YBEY: variants seen among roughly 807,000 people sequenced by gnomAD.
The protein encoded by YBEY is ybeY metalloendoribonuclease, also known as endoribonuclease YbeY.
A neutral mutation model predicts 13.5 loss-of-function variants in YBEY; 15 were observed. That is an observed-to-expected ratio of 1.11 (90% CI 0.75 to 1.72). The LOEUF is 1.72. Ranked by LOEUF, YBEY falls within the 40% of genes most tolerant of loss-of-function variation. The pLI is 0.00. For synonymous variants in YBEY, 101 were observed against 83.1 expected (o/e 1.21, Z -1.17); for missense variants, 244 against 208.4 (o/e 1.17, Z -1.05).
intron 2 of YBEY, among the ~76,000 whole-genome samples, chr21:46,289,665 G>A (rs1468456822): frequency 6.6e-6 from 1 of 151,596 alleles, no homozygotes. Flanking sequence ...TGTTGGCCAA[G>A]CTGGTCTAGA....
intron 3 of YBEY, among the ~76,000 whole-genome samples, chr21:46,295,487 TTCC>T (rs143683373): frequency 2.1e-4 from 32 of 151,734 alleles, no homozygotes; most frequent in African/African-American, 5.1e-4. Flanking sequence ...CTCCCTCCTC[TTCC>T]TCCTCCTCCT....
chr21:46,312,010 TCCATCCAC>T, the YBEY span, among the ~76,000 whole-genome samples: 1 of 44,372 alleles, frequency 2.3e-5, no homozygotes, highest in East Asian at 7.7e-4. Flanking sequence ...CACCCACCCA[TCCATCCAC>T]CCATCCACCC....
At chr21:46,295,429 G>A (rs1569103281) in intron 3 of YBEY, among the ~76,000 whole-genome samples, 1 of 151,938 alleles carries the variant, frequency 6.6e-6, no homozygotes, top group Non-Finnish European at 1.5e-5. Context: ...TGGCCCATGT[G>A]GCTCCATAAA....
At position 46,287,040 on chromosome 21, in the gene YBEY, GACA is replaced by G. The variant is rs770449674; in HGVS notation, c.132_134del (p.Asn44del). ...ATTTGACCTGGGGATCATCTGTGTT[GACA>G]ACAAGAATATTCAGCACATTAATAG... On this transcript the variant is annotated inframe_deletion, in exon 2 of 5. Transcript: ENST00000397701. The G allele has an allele frequency of 1.2e-6, 2 of 1,613,624 alleles. No individual in the cohort carries two copies. The highest frequency in any genetic ancestry group is 1.7e-6 in the Non-Finnish European group (2 of 1,179,996).
chr21:46,287,263 TC>T, intron 2 of YBEY, 140 bp downstream of exon 2: 1 of 801,256 alleles, frequency 1.2e-6, no homozygotes, highest in Non-Finnish European at 1.9e-6. Context: ...TGGTGCGATC[TC>T]GGCTCACTGC....
the YBEY span, among the ~76,000 whole-genome samples, chr21:46,304,241 A>G: frequency 6.6e-6 from 1 of 151,976 alleles, no homozygotes; most frequent in East Asian, 1.9e-4. Context: ...TGTGTTAGCC[A>G]GGATGGTCTG....
At chr21:46,303,708 A>AATATATATATAT in the YBEY span, among the ~76,000 whole-genome samples, 6 of 37,262 alleles carry the variant, frequency 1.6e-4, no homozygotes, top group African/African-American at 2.1e-4. Context: ...ACACACACAA[A>AATATATATATAT]ATATATATAT....
chr21:46,299,689 A>G (rs1188162896), downstream of YBEY, among the ~76,000 whole-genome samples: 1 of 151,388 alleles, frequency 6.6e-6, no homozygotes, highest in Non-Finnish European at 1.5e-5. Flanking sequence ...GTCATCTTCA[A>G]CCTCTCTCAG....
At chr21:46,302,096 AC>A (rs1421872301), downstream of YBEY, 2 of 1,473,502 alleles carry the variant, frequency 1.4e-6, no homozygotes. Context: ...GTGGTGGTGC[AC>A]GGCAGGCAGC....
At chr21:46,304,718 C>T in the YBEY span, among the ~76,000 whole-genome samples, 9 of 152,248 alleles carry the variant, frequency 5.9e-5, no homozygotes, top group East Asian at 1.5e-3. Flanking sequence ...GCTGTATTTC[C>T]TGACACAGCC....
the YBEY span, among the ~76,000 whole-genome samples, chr21:46,303,731 ATATATATATATATATTTTTTTTTTTT>A: frequency 1.4e-4 from 4 of 28,432 alleles, no homozygotes; most frequent in Non-Finnish European, 2.6e-4. Flanking sequence ...ATATATATAT[ATATATATATATATATTTTTTTTTTTT>A]TTTTTTTTTT....
the YBEY span, among the ~76,000 whole-genome samples, chr21:46,312,293 A>G: frequency 6.6e-6 from 1 of 152,126 alleles, no homozygotes; most frequent in East Asian, 1.9e-4. Flanking sequence ...TTCTGCTTTA[A>G]TAGGAGCAAC....
At chr21:46,299,542 C>T (rs1418954655), downstream of YBEY, among the ~76,000 whole-genome samples, 2 of 152,172 alleles carry the variant, frequency 1.3e-5, no homozygotes, top group African/African-American at 4.8e-5. Flanking sequence ...CGGCCCTTCA[C>T]GTTCTGTGTG....
At chr21:46,294,840 A>G (rs1344035219) in intron 3 of YBEY, among the ~76,000 whole-genome samples, 1 of 152,166 alleles carries the variant, frequency 6.6e-6, no homozygotes, top group East Asian at 1.9e-4. Flanking sequence ...CTTTGGCTGC[A>G]CAGCCATGCC....
At chr21:46,311,640 C>T in the YBEY span, 1 of 820,812 alleles carries the variant, frequency 1.2e-6, no homozygotes, top group Admixed American at 2.5e-5. Context: ...ACCACCCATC[C>T]ATCCACCCAC....
At chr21:46,291,690 A>G in intron 3 of YBEY, 1 of 1,311,066 alleles carries the variant, frequency 7.6e-7, no homozygotes, top group Non-Finnish European at 9.7e-7. Context: ...AGAAGCTCCC[A>G]GAGAAGCCTT....
At chr21:46,302,477 A>AGCCTACCTGCAGGGCTGGGGGCTG (rs760620250), downstream of YBEY, 17 of 1,599,306 alleles carry the variant, frequency 1.1e-5, no homozygotes, top group South Asian at 1.9e-4. Context: ...GCTGGGGGCT[A>AGCCTACCTGCAGGGCTGGGGGCTG]AGCCTACCTG....
chr21:46,292,403 C>A (rs564792456), intron 3 of YBEY, among the ~76,000 whole-genome samples: 3 of 152,334 alleles, frequency 2.0e-5, no homozygotes, highest in African/African-American at 7.2e-5. Flanking sequence ...TGTGGCCCTT[C>A]ACAAGCTTCA....
At chr21:46,297,885 G>A, downstream of YBEY, 3 of 826,806 alleles carry the variant, frequency 3.6e-6, no homozygotes, top group Non-Finnish European at 4.8e-6. Flanking sequence ...CGCCCTTCAA[G>A]GGGGTCCCTG....
Sources: allele counts gnomAD v4.1 joint callset (sites outside exome capture counted in the v4.1 genomes callset), GRCh38; gene constraint gnomAD v4.1.1; transcripts MANE v1.5; gene names NCBI Gene and HGNC (gene_info 2026-07-23, HGNC 2026-07-21).